Variants in MGST2 observed in about 807,000 individuals in gnomAD.
MGST2 encodes the protein microsomal glutathione S-transferase 2.
Under a neutral mutation model 16.6 loss-of-function variants are expected in MGST2, and 9 were observed. That is an observed-to-expected ratio of 0.54 (90% CI 0.33 to 0.95). MGST2 has a LOEUF of 0.95. Among genes scored for constraint, MGST2 ranks in the 40% least tolerant of loss-of-function variants. The pLI, the probability that MGST2 is intolerant of heterozygous loss-of-function variation, is 0.03. For missense variants in MGST2, 159 were observed against 175.1 expected, an observed-to-expected ratio of 0.91 and a Z score of 0.52; for synonymous variants, 79 against 68.0, an observed-to-expected ratio of 1.16 and a Z score of -0.79.
chr4:139,752,271 T>C, the MGST2 span, among the ~76,000 whole-genome samples: 2 of 152,264 alleles, frequency 1.3e-5, no homozygotes, highest in Non-Finnish European at 2.9e-5. Flanking sequence ...TTGTAAGATG[T>C]ATCCTGATTT....
chr4:139,695,591 C>T (rs918763914), intron 3 of MGST2, among the ~76,000 whole-genome samples: 1 of 152,134 alleles, frequency 6.6e-6, no homozygotes, highest in African/African-American at 2.4e-5. Flanking sequence ...CACTACACTC[C>T]AGTCTGGGTG....
At chr4:139,674,197 T>C (rs1730847456) in intron 1 of MGST2, among the ~76,000 whole-genome samples, 1 of 152,136 alleles carries the variant, frequency 6.6e-6, no homozygotes, top group Non-Finnish European at 1.5e-5. Context: ...CACAGCCTGG[T>C]TTTATACATT....
intron 2 of MGST2, among the ~76,000 whole-genome samples, chr4:139,690,761 A>G (rs1009823717): frequency 1.3e-5 from 2 of 152,162 alleles, no homozygotes; most frequent in Non-Finnish European, 2.9e-5. Context: ...CCACCCCCAA[A>G]TAACATAAAC....
intron 3 of MGST2, among the ~76,000 whole-genome samples, chr4:139,702,855 T>G (rs1023413868): frequency 7.3e-6 from 1 of 137,920 alleles, no homozygotes; most frequent in East Asian, 2.0e-4. Flanking sequence ...TTTTTTTTTT[T>G]TTTTTTTTTT....
chr4:139,737,107 T>C (rs749596782), intron 5 of MGST2, among the ~76,000 whole-genome samples: 10 of 152,120 alleles, frequency 6.6e-5, no homozygotes, highest in Non-Finnish European at 7.4e-5. Flanking sequence ...TCCCCTATAA[T>C]GCCCTTGCTA....
chr4:139,747,688 C>T, the MGST2 span, among the ~76,000 whole-genome samples: 2 of 145,754 alleles, frequency 1.4e-5, no homozygotes, highest in African/African-American at 5.1e-5. Flanking sequence ...AGCAAGACTC[C>T]CTCTCAGAAA....
intron 1 of MGST2, among the ~76,000 whole-genome samples, chr4:139,668,501 T>C (rs1015450591): frequency 6.6e-6 from 1 of 152,126 alleles, no homozygotes; most frequent in Admixed American, 6.6e-5. Context: ...CATGTGATGC[T>C]ATACTGGAGT....
chr4:139,726,279 C>T (rs1728469831), intron 5 of MGST2, among the ~76,000 whole-genome samples: 1 of 152,200 alleles, frequency 6.6e-6, no homozygotes, highest in Non-Finnish European at 1.5e-5. Flanking sequence ...CTTGTTCATT[C>T]TCACTGTTGG....
chr4:139,723,460 G>A (rs1052197538), intron 5 of MGST2, among the ~76,000 whole-genome samples: 3 of 152,078 alleles, frequency 2.0e-5, no homozygotes, highest in Admixed American at 6.5e-5. Context: ...ACAGGCATGC[G>A]CCACTATGCC....
chr4:139,675,691 C>T (rs573254760), intron 1 of MGST2, among the ~76,000 whole-genome samples: 90 of 152,302 alleles, frequency 5.9e-4, no homozygotes, highest in Non-Finnish European at 1.0e-3. Context: ...AAGAGTGCAG[C>T]GGGCTGCCTC....
chr4:139,696,126 C>T (rs2646073), intron 3 of MGST2, among the ~76,000 whole-genome samples: 3 of 151,948 alleles, frequency 2.0e-5, no homozygotes, highest in Non-Finnish European at 4.4e-5. Flanking sequence ...TCATAAAGGT[C>T]TTCATCCTCA....
chr4:139,735,677 A>G lies in MGST2; in HGVS notation c.*49-4535A>G, dbSNP rs1728910200. 1.3e-5 allele frequency among the ~76,000 whole-genome samples: 2 copies of G among 152,230 alleles called. No individual in the cohort carries two copies. On this transcript the variant is annotated intron_variant, in intron 5 of 5. Transcript: ENST00000616265. This position sits in a 1 kb window ranked among gnomAD's most constrained non-coding sequence, Gnocchi z 5.8. Reference sequence around the variant, plus strand: ...ATGAAATTTAGGGTTTTATTGAAAAAGTCCCCTGGGGCCTAATTTAGCCTC... The same window carrying G: ...ATGAAATTTAGGGTTTTATTGAAAAGGTCCCCTGGGGCCTAATTTAGCCTC...
chr4:139,703,566 T>G (rs1227241573), intron 4 of MGST2, 30 bp downstream of exon 4: 1 of 1,591,896 alleles, frequency 6.3e-7, no homozygotes, highest in African/African-American at 1.3e-5. Context: ...TTTGTATTTA[T>G]GCAAAAAGTA....
chr4:139,711,208 C>T (rs1223299758), intron 5 of MGST2, among the ~76,000 whole-genome samples: 2 of 151,778 alleles, frequency 1.3e-5, no homozygotes, highest in African/African-American at 2.4e-5. Context: ...GATGGGGTTT[C>T]GCCATGTTGC....
At chr4:139,670,143 G>T (rs979413592) in intron 1 of MGST2, among the ~76,000 whole-genome samples, 1 of 151,296 alleles carries the variant, frequency 6.6e-6, no homozygotes, top group South Asian at 2.1e-4. Context: ...CTGTGCCTTG[G>T]TAGAGACCAC....
At chr4:139,695,055 T>G (rs761532321) in intron 2 of MGST2, 142 bp from the exon 3 acceptor site, 2 of 646,208 alleles carry the variant, frequency 3.1e-6, no homozygotes, top group African/African-American at 3.7e-5. Context: ...AGATTGATTT[T>G]AAATGTAAAG....
chr4:139,750,829 C>G, the MGST2 span, among the ~76,000 whole-genome samples: 1 of 152,194 alleles, frequency 6.6e-6, no homozygotes, highest in African/African-American at 2.4e-5. Flanking sequence ...CTCCCACTCC[C>G]TACCCCCTTT....
chr4:139,701,314 G>C (rs1727236410), intron 3 of MGST2, among the ~76,000 whole-genome samples: 2 of 152,094 alleles, frequency 1.3e-5, no homozygotes. Flanking sequence ...TCCCTAGACA[G>C]GGAGTCTCAA....
intron 5 of MGST2, among the ~76,000 whole-genome samples, chr4:139,713,415 T>A (rs1727810811): frequency 7.7e-6 from 1 of 129,910 alleles, no homozygotes; most frequent in Non-Finnish European, 1.5e-5. Context: ...TCCCAAGGAG[T>A]CCCAGGCTAC....
Sources: allele counts gnomAD v4.1 joint callset (sites outside exome capture counted in the v4.1 genomes callset), GRCh38; gene constraint gnomAD v4.1.1; non-coding constraint Gnocchi (gnomAD v3.1); transcripts MANE v1.5; gene names NCBI Gene and HGNC (gene_info 2026-07-23, HGNC 2026-07-21).